The following POLGARF variants were observed in gnomAD, a reference collection of about 807,000 sequenced individuals.
The protein encoded by POLGARF is POLG alternative reading frame.
At chr15:89,333,401 C>CA in the POLGARF span, 1 of 1,600,034 alleles carries the variant, frequency 6.2e-7, no homozygotes. Flanking sequence ...CGGGCAAGGG[C>CA]ACGGCTGGCT....
the POLGARF span, chr15:89,333,146 C>G: frequency 6.7e-5 from 103 of 1,536,306 alleles, no homozygotes; most frequent in Non-Finnish European, 8.9e-5. Flanking sequence ...TTCCCTCTGC[C>G]AAGCAGACCT....
chr15:89,330,346 A>C, the POLGARF span: 30 of 1,185,662 alleles, frequency 2.5e-5, no homozygotes, highest in African/African-American at 4.2e-4. Context: ...CAACCACTGC[A>C]CACCTACCGC....
At chr15:89,333,212 C>A in the POLGARF span, 1 of 1,577,766 alleles carries the variant, frequency 6.3e-7, no homozygotes, top group Non-Finnish European at 8.6e-7. Context: ...CGGCCTCCCC[C>A]TCGGGGCCGT....
the POLGARF span, chr15:89,333,072 G>C: frequency 1.3e-6 from 2 of 1,504,006 alleles, no homozygotes; most frequent in Non-Finnish European, 1.8e-6. Flanking sequence ...GCCTGCTTAT[G>C]TCCCCAACCC....
At chr15:89,333,703 G>A in the POLGARF span, 1 of 1,539,442 alleles carries the variant, frequency 6.5e-7, no homozygotes, top group Admixed American at 2.0e-5. Context: ...GCTGGAACCG[G>A]CCCTGGCCCG....
chr15:89,333,713 G>A, the POLGARF span: 16 of 1,537,360 alleles, frequency 1.0e-5, no homozygotes, highest in South Asian at 1.9e-4. Context: ...GCCCTGGCCC[G>A]ACGGTGGCGC....
At chr15:89,333,514 T>C in the POLGARF span, 4 of 1,612,864 alleles carry the variant, frequency 2.5e-6, no homozygotes, top group Non-Finnish European at 3.4e-6. Context: ...TGCAGCCCTC[T>C]CGAGAGCATC....
chr15:89,333,450 C>T, the POLGARF span: 1 of 1,610,258 alleles, frequency 6.2e-7, no homozygotes. Context: ...CTCGACGCTG[C>T]GGCGCACCGC....
chr15:89,330,393 A>C, the POLGARF span: 7 of 817,140 alleles, frequency 8.6e-6, no homozygotes, highest in Non-Finnish European at 1.4e-5. Context: ...TGGGGACACA[A>C]GTGAGACCAA....
the POLGARF span, chr15:89,333,062 G>A: frequency 6.7e-7 from 1 of 1,503,126 alleles, no homozygotes; most frequent in Non-Finnish European, 8.9e-7. Flanking sequence ...GGGCCCCCAT[G>A]CCTGCTTATG....
the POLGARF span, among the ~76,000 whole-genome samples, chr15:89,332,605 CAGGGGGGCGGGGGG>C: frequency 2.8e-4 from 1 of 3,560 alleles, no homozygotes; most frequent in Non-Finnish European, 5.8e-4. Flanking sequence ...CCGGCGGGGG[CAGGGGGGCGGGGGG>C]GTGTTGGTCT....
At chr15:89,333,609 T>C in the POLGARF span, 1 of 1,598,220 alleles carries the variant, frequency 6.3e-7, no homozygotes, top group Non-Finnish European at 8.5e-7. Context: ...CTGCTGCTGC[T>C]GCTGCTGCTG....
chr15:89,330,735 A>G, the POLGARF span, among the ~76,000 whole-genome samples: 52 of 127,082 alleles, frequency 4.1e-4, no homozygotes, highest in African/African-American at 1.6e-3. Flanking sequence ...AATTGGCAAA[A>G]AAAAAAAAAA....
At chr15:89,330,329 T>C in the POLGARF span, 1 of 1,398,220 alleles carries the variant, frequency 7.2e-7, no homozygotes, top group Non-Finnish European at 9.9e-7. Context: ...AAACTTCCAC[T>C]CCACAACAAC....
the POLGARF span, chr15:89,332,451 A>G: frequency 6.6e-6 from 1 of 152,312 alleles, no homozygotes; most frequent in Non-Finnish European, 1.5e-5. Flanking sequence ...TAGCACTTAG[A>G]AAGTTATTTA....
chr15:89,333,061 T>A, the POLGARF span: 5 of 1,503,240 alleles, frequency 3.3e-6, no homozygotes, highest in Non-Finnish European at 4.4e-6. Context: ...TGGGCCCCCA[T>A]GCCTGCTTAT....
At chr15:89,332,505 C>G in the POLGARF span, 1 of 150,610 alleles carries the variant, frequency 6.6e-6, no homozygotes, top group African/African-American at 2.4e-5. Flanking sequence ...GACCAAAATG[C>G]CTGCTTGGAA....
chr15:89,331,174 TCAA>T, the POLGARF span, among the ~76,000 whole-genome samples: 1 of 152,152 alleles, frequency 6.6e-6, no homozygotes, highest in Non-Finnish European at 1.5e-5. Flanking sequence ...CTCAACAGAT[TCAA>T]CACACATAAA....
the POLGARF span, chr15:89,330,317 T>C: frequency 6.7e-7 from 1 of 1,495,678 alleles, no homozygotes. Flanking sequence ...CATGGAGACA[T>C]TAAACTTCCA....
Sources: gnomAD v4.1 joint callset for allele counts (sites outside exome capture counted in the v4.1 genomes callset) on GRCh38, gnomAD v4.1.1 for gene constraint, MANE v1.5 for transcripts, NCBI Gene and HGNC (gene_info 2026-07-23, HGNC 2026-07-21) for gene names.